The following CUZD1 variants were observed in gnomAD, a reference collection of about 807,000 sequenced individuals.
The protein encoded by CUZD1 is CUB and zona pellucida like domains 1.
In CUZD1, 42 loss-of-function variants were observed where a neutral mutation model predicts 53.1. That is an observed-to-expected ratio of 0.79 (90% CI 0.62 to 1.02). The LOEUF is 1.02. Ranked by LOEUF, CUZD1 falls within the 50% of genes least tolerant of loss-of-function variation. CUZD1 has a pLI of 0.00. For missense variants in CUZD1, 670 were observed against 715.7 expected, an observed-to-expected ratio of 0.94 and a Z score of 0.73; for synonymous variants, 238 against 257.2, an observed-to-expected ratio of 0.93 and a Z score of 0.71.
At position 122,832,165 on chromosome 10, in the gene CUZD1, C is replaced by A; in HGVS notation, c.*113G>T. On this transcript the variant is annotated 3_prime_UTR_variant, in exon 9 of 9. Transcript: ENST00000392790. The stretch of plus-strand genomic sequence containing the variant: ...CACACCGACACAGTGACATGCAGGC[C>A]TGTGTGTCACTTTCAGGCCCTTCCT... 1.0e-6 allele frequency: 1 copy of A among 990,208 alleles called. No homozygotes were observed. Among genetic ancestry groups the A allele is most frequent in the Non-Finnish European group, 1.6e-6 (1 of 643,464 alleles). The allele number at this position is 990,208 out of a possible 1,614,324, so 61.3% of individuals were successfully genotyped here. A position where few individuals can be genotyped will look rare whatever the true frequency, so the allele number is the denominator to read the frequency against.
Position 122,832,223 on chromosome 10 carries a change from G to T in CUZD1, c.*55C>A. Reference sequence around the variant, plus strand: ...TCATAATATGTGTAGCCACGAGGTAGCATTTCCTTTGGCATCCTGGAGAAA... The same window carrying T: ...TCATAATATGTGTAGCCACGAGGTATCATTTCCTTTGGCATCCTGGAGAAA... On this transcript the variant is annotated 3_prime_UTR_variant, in exon 9 of 9. Transcript: ENST00000392790. 6.4e-7 allele frequency: 1 copy of T among 1,568,998 alleles called. No individual in the cohort carries two copies. Among genetic ancestry groups the T allele is most frequent in the South Asian group, 1.1e-5 (1 of 88,320 alleles).
At chr10:122,832,874 T>A (rs1232538945) in intron 8 of CUZD1, among the ~76,000 whole-genome samples, 2 of 152,242 alleles carry the variant, frequency 1.3e-5, no homozygotes, top group Non-Finnish European at 2.9e-5. Context: ...CTTCCATTTA[T>A]AAATTTTCAA....
At chr10:122,837,738 G>T in intron 3 of CUZD1, 184 bp from the exon 4 acceptor site, 1 of 526,880 alleles carries the variant, frequency 1.9e-6, no homozygotes, top group Non-Finnish European at 3.2e-6. Flanking sequence ...CTGGTGCAGG[G>T]CAGAGAGGGA....
rs1319266505 is a variant in CUZD1, at chr10:122,836,337, G to C, written c.831C>G (p.Cys277Trp). The C allele has an allele frequency of 6.5e-7, 1 of 1,528,806 alleles. No homozygotes were observed. The highest frequency in any genetic ancestry group is 8.7e-7 in the Non-Finnish European group (1 of 1,148,320). 94.7% of individuals were successfully genotyped at this position (1,528,806 alleles called of 1,614,324 possible). ...AENINTTSLT[C>W]SSDRMRVIIS... Reference sequence around the variant, plus strand: ...TAATAACTCTCATCCTGTCAGAAGAGCAAGTTAAAGATGCTGTCAGGAAAA... The same window carrying C: ...TAATAACTCTCATCCTGTCAGAAGACCAAGTTAAAGATGCTGTCAGGAAAA... Residue 277 changes from cysteine (C) to tryptophan (W), a missense_variant, in exon 6 of 9, where the codon TGC (cysteine) becomes TGG (tryptophan). Physicochemically the swap from Cys to Trp is radical, Grantham distance 215. Transcript: ENST00000392790.
chr10:122,841,997 T>TC (rs1591713186), intron 1 of CUZD1, among the ~76,000 whole-genome samples: 1 of 152,146 alleles, frequency 6.6e-6, no homozygotes, highest in East Asian at 1.9e-4. Flanking sequence ...TTTTGAGAGT[T>TC]TTTTATATAT....
rs775847411 is a variant in CUZD1, at chr10:122,836,368, A to G, written c.818-18T>C. The G allele has an allele frequency of 1.9e-5, 30 of 1,541,220 alleles. No homozygotes were observed. The African/African-American group carries it at 3.7e-4, about 19-fold the overall frequency. The stretch of plus-strand genomic sequence containing the variant: ...TAAAGATGCTGTCAGGAAAAAAAAA[A>G]AAAAAAGAATGGTCATGTTTATGCC... On this transcript the variant is annotated intron_variant, in intron 5 of 8. Transcript: ENST00000392790.
rs561204522 is a variant in CUZD1, at chr10:122,845,424, C to T, written c.82+338G>A. Among the ~76,000 whole-genome samples the T allele has an allele frequency of 2.0e-5, 3 of 152,186 alleles. No homozygotes were observed. The South Asian group carries it at 6.2e-4, about 32-fold the overall frequency. Reference sequence around the variant, plus strand: ...AAGAGTGTTCCATTTTATGGATTTACCGTAAGAAATAATGAAAATTCATGT... The same window carrying T: ...AAGAGTGTTCCATTTTATGGATTTATCGTAAGAAATAATGAAAATTCATGT... On this transcript the variant is annotated intron_variant, in intron 1 of 8. Coordinates refer to ENST00000392790, the MANE Select transcript of CUZD1 (RefSeq NM_022034.6).
At chr10:122,837,134 G>T in intron 4 of CUZD1, 86 bp from the exon 5 acceptor site, 1 of 1,103,470 alleles carries the variant, frequency 9.1e-7, no homozygotes, top group Non-Finnish European at 1.3e-6. Flanking sequence ...ACTCTTAAGT[G>T]ATTATGGATT....
chr10:122,839,695 G>T (rs1847306379), intron 2 of CUZD1, among the ~76,000 whole-genome samples: 1 of 152,108 alleles, frequency 6.6e-6, no homozygotes, highest in African/African-American at 2.4e-5. Flanking sequence ...TCCTTCCCTT[G>T]TATCACCACT....
chr10:122,834,575 G>T, intron 7 of CUZD1, 131 bp downstream of exon 7: 1 of 581,264 alleles, frequency 1.7e-6, no homozygotes, highest in Non-Finnish European at 2.7e-6. Flanking sequence ...AAAATGATTA[G>T]AATAAATGTA....
intron 8 of CUZD1, among the ~76,000 whole-genome samples, chr10:122,832,733 G>T (rs965963029): frequency 4.6e-5 from 7 of 152,016 alleles, no homozygotes; most frequent in Middle Eastern, 6.8e-3. Flanking sequence ...GGAAATGCAG[G>T]TTCACTTACT....
At chr10:122,832,600 T>C (rs1847177122) in intron 8 of CUZD1, 150 bp from the exon 9 acceptor site, 6 of 425,846 alleles carry the variant, frequency 1.4e-5, no homozygotes, top group Non-Finnish European at 2.4e-5. Context: ...AGAGGAACCA[T>C]TATCAAATAG....
At chr10:122,840,905 AT>A (rs1411903241) in intron 2 of CUZD1, among the ~76,000 whole-genome samples, 1 of 152,146 alleles carries the variant, frequency 6.6e-6, no homozygotes, top group Non-Finnish European at 1.5e-5. Flanking sequence ...GCTATTCACT[AT>A]TTGTGTGACC....
chr10:122,843,785 C>T (rs1175909076), intron 1 of CUZD1, among the ~76,000 whole-genome samples: 1 of 142,732 alleles, frequency 7.0e-6, no homozygotes, highest in East Asian at 2.0e-4. Context: ...TGAATACAGA[C>T]TTTCTTCATA....
At chr10:122,837,208 A>C (rs1310571584) in intron 4 of CUZD1, 160 bp from the exon 5 acceptor site, 1 of 832,926 alleles carries the variant, frequency 1.2e-6, no homozygotes, top group East Asian at 2.7e-5. Context: ...ATAGTCTCTG[A>C]CAAGGACCTC....
At chr10:122,843,283 C>CT (rs1847372661) in intron 1 of CUZD1, among the ~76,000 whole-genome samples, 1 of 152,140 alleles carries the variant, frequency 6.6e-6, no homozygotes, top group African/African-American at 2.4e-5. Context: ...ACAGTCATCC[C>CT]TTGGTGTCCA....
At chr10:122,835,162 T>C (rs1847229398) in intron 6 of CUZD1, 65 bp from the exon 7 acceptor site, 1 of 1,285,236 alleles carries the variant, frequency 7.8e-7, no homozygotes, top group Non-Finnish European at 1.1e-6. Flanking sequence ...AGCATAGATG[T>C]GGATAACATT....
intron 6 of CUZD1, among the ~76,000 whole-genome samples, chr10:122,835,465 T>C (rs145264040): frequency 5.8e-4 from 88 of 152,300 alleles, no homozygotes; most frequent in African/African-American, 2.1e-3. Context: ...TTCCAAAATA[T>C]ATGTAGACCA....
chr10:122,834,038 T>G, intron 7 of CUZD1, 98 bp from the exon 8 acceptor site: 1 of 1,063,638 alleles, frequency 9.4e-7, no homozygotes, highest in Admixed American at 2.3e-5. Context: ...AATCCAAAAA[T>G]CTCTCTCAAA....
Sources: gnomAD v4.1 joint callset for allele counts (sites outside exome capture counted in the v4.1 genomes callset) on GRCh38, gnomAD v4.1.1 for gene constraint, MANE v1.5 for transcripts, NCBI Gene and HGNC (gene_info 2026-07-23, HGNC 2026-07-21) for gene names.